Variants in SPAG17 observed in about 807,000 individuals in gnomAD.
The protein encoded by SPAG17 is sperm associated antigen 17, also known as sperm-associated antigen 17.
SPAG17 carries 169 observed loss-of-function variants against 273.6 expected under a neutral mutation model. That is an observed-to-expected ratio of 0.62 (90% CI 0.55 to 0.70). SPAG17 has a LOEUF of 0.70. Among genes scored for constraint, SPAG17 ranks in the 30% least tolerant of loss-of-function variants. The probability of loss-of-function intolerance (pLI) is 0.00; values close to 1 mark genes in which losing one functional copy is unlikely to be tolerated. For synonymous variants in SPAG17, 825 were observed against 873.2 expected (o/e 0.94, Z 0.97); for missense variants, 2,557 against 2,627.8 (o/e 0.97, Z 0.59).
chr1:118,152,644 AGTGT>A (rs923402658), intron 1 of SPAG17, among the ~76,000 whole-genome samples: 1 of 152,080 alleles, frequency 6.6e-6, no homozygotes, highest in African/African-American at 2.4e-5. Context: ...TTACTTGCAA[AGTGT>A]GTGTGTGCAT....
intron 31 of SPAG17, among the ~76,000 whole-genome samples, chr1:118,006,604 A>C (rs1426943592): frequency 6.6e-6 from 1 of 152,184 alleles, no homozygotes; most frequent in African/African-American, 2.4e-5. Flanking sequence ...ATATATACCT[A>C]GGAGTGGAAT....
At position 118,185,193 on chromosome 1, in the gene SPAG17, G is replaced by A; in HGVS notation, c.-36C>T. On this transcript the variant is annotated 5_prime_UTR_variant, in exon 1 of 49. Coordinates refer to ENST00000336338, the MANE Select transcript of SPAG17 (RefSeq NM_206996.4). ...GGAGAAGCATTGGCCTCTAAACTGG[G>A]CGCAGGCCCTGCCTAAGCGTCCCCG... 1.3e-6 allele frequency: 2 copies of A among 1,554,638 alleles called. No individual in the cohort carries two copies. The highest frequency in any genetic ancestry group is 1.8e-6 in the Non-Finnish European group (2 of 1,125,872).
chr1:118,128,010 T>C, intron 3 of SPAG17, among the ~76,000 whole-genome samples: 1 of 151,928 alleles, frequency 6.6e-6, no homozygotes. Flanking sequence ...TAGTCTAACC[T>C]ACTTGGGAGG....
chr1:118,027,074 A>G (rs556469054), intron 26 of SPAG17, among the ~76,000 whole-genome samples: 42 of 152,340 alleles, frequency 2.8e-4, no homozygotes, highest in Non-Finnish European at 4.7e-4. Context: ...TGATAACAGG[A>G]TCAAACAATC....
intron 4 of SPAG17, among the ~76,000 whole-genome samples, chr1:118,111,024 C>T (rs1483949034): frequency 1.3e-5 from 2 of 152,110 alleles, no homozygotes; most frequent in African/African-American, 2.4e-5. Flanking sequence ...CTCATAAAGT[C>T]ATTTAAAAGA....
intron 3 of SPAG17, among the ~76,000 whole-genome samples, chr1:118,119,461 C>A (rs1289807055): frequency 6.6e-6 from 1 of 152,154 alleles, no homozygotes; most frequent in Non-Finnish European, 1.5e-5. Flanking sequence ...ACTTTCCCTC[C>A]AGGAGCTCCA....
At chr1:118,171,479 C>A (rs932696620) in intron 1 of SPAG17, among the ~76,000 whole-genome samples, 2 of 152,114 alleles carry the variant, frequency 1.3e-5, no homozygotes, top group African/African-American at 4.8e-5. Flanking sequence ...TCTATCTGTT[C>A]TATTTAGATG....
At chr1:117,988,340 T>C (rs1419623840) in intron 38 of SPAG17, 136 bp from the exon 39 acceptor site, 1 of 518,894 alleles carries the variant, frequency 1.9e-6, no homozygotes, top group Non-Finnish European at 3.3e-6. Flanking sequence ...AGGACTTACA[T>C]GACCAAGCTG....
intron 48 of SPAG17, among the ~76,000 whole-genome samples, chr1:117,956,815 T>C (rs776908121): frequency 6.6e-5 from 10 of 152,164 alleles, no homozygotes; most frequent in Non-Finnish European, 1.2e-4. Context: ...TTTGGAGATA[T>C]TGTTTATCTG....
rs1658784938 is a variant in SPAG17 at position 118,005,480 on chromosome 1, C to A, written c.4710G>T (p.Arg1570Ser). The change falls in exon 32 of 49, where the codon AGG (arginine) becomes AGT (serine). Residue 1570 changes from arginine (R) to serine (S), a missense_variant. Physicochemically the swap from Arg to Ser is moderately radical, Grantham distance 110. Coordinates refer to ENST00000336338, the MANE Select transcript of SPAG17 (RefSeq NM_206996.4). ...CCTCTGAAGTATGCCTCATGATGTA[C>A]CTGCCAGCTCGCAGCTGCTCACGCT... ...FQKREQLRAGRYIMRHTSEVI... is the reference protein window; with the variant it reads ...FQKREQLRAGSYIMRHTSEVI... The A allele has an allele frequency of 6.2e-7, 1 of 1,613,722 alleles. No individual in the cohort carries two copies. Among genetic ancestry groups the A allele is most frequent in the Non-Finnish European group, 8.5e-7 (1 of 1,179,784 alleles).
Position 118,097,740 on chromosome 1 carries a change from T to C in SPAG17, c.941A>G (p.Asp314Gly), listed in dbSNP as rs1256061038. 4 of 1,611,076 alleles carry C rather than the reference T, an allele frequency of 2.5e-6. No individual in the cohort carries two copies. Among genetic ancestry groups the C allele is most frequent in the Non-Finnish European group, 3.4e-6 (4 of 1,178,908 alleles). ...GACCATGTACTCAAGTCGAGCAACA[T>C]CAAAGAGATTTGTTTCAGGTTTCTC... Reference protein sequence around the residue: ...NNEKPETNLFDVARLEYMVKA... With the variant: ...NNEKPETNLFGVARLEYMVKA... The change falls in exon 7 of 49, where the codon GAT (aspartate) becomes GGT (glycine). Residue 314 changes from aspartate (D) to glycine (G), a missense_variant. Asp to Gly is a moderately conservative substitution (Grantham distance 94). Coordinates refer to ENST00000336338, the MANE Select transcript of SPAG17 (RefSeq NM_206996.4).
chr1:117,989,622 C>T (rs1255630847), intron 38 of SPAG17, among the ~76,000 whole-genome samples: 2 of 152,124 alleles, frequency 1.3e-5, no homozygotes, highest in Non-Finnish European at 2.9e-5. Flanking sequence ...GTTGCACAGG[C>T]TGGAGTACAG....
intron 42 of SPAG17, among the ~76,000 whole-genome samples, chr1:117,982,262 G>A (rs865931815): frequency 1.0e-4 from 13 of 125,160 alleles, no homozygotes; most frequent in African/African-American, 3.6e-4. Flanking sequence ...TTTTTTTTGA[G>A]ACGGAGTCTT....
At chr1:118,122,411 G>A (rs956963322) in intron 3 of SPAG17, among the ~76,000 whole-genome samples, 1 of 152,170 alleles carries the variant, frequency 6.6e-6, no homozygotes, top group East Asian at 1.9e-4. Context: ...CAAAAGTACA[G>A]GCTCTATTTG....
At chr1:117,990,406 C>T (rs1453333976) in intron 38 of SPAG17, among the ~76,000 whole-genome samples, 1 of 152,126 alleles carries the variant, frequency 6.6e-6, no homozygotes, top group African/African-American at 2.4e-5. Flanking sequence ...ATATATACCT[C>T]CAAATGAATA....
Position 118,181,463 on chromosome 1 carries a change from T to C in SPAG17, c.87+3608A>G, listed in dbSNP as rs544416725. 2.9e-4 allele frequency among the ~76,000 whole-genome samples: 44 copies of C among 152,132 alleles called. 1 individual carries two copies. The highest frequency in any genetic ancestry group is 1.5e-3 in the Admixed American group (23 of 15,256). On this transcript the variant is annotated intron_variant, in intron 1 of 48. Coordinates refer to ENST00000336338, the MANE Select transcript of SPAG17 (RefSeq NM_206996.4). ...GTGAGGAACAGACAAAGATATTCCATGCAAATATTAATAGTAACCAAGAGA... is the reference window on the plus strand; with the variant it reads ...GTGAGGAACAGACAAAGATATTCCACGCAAATATTAATAGTAACCAAGAGA...
At chr1:118,075,368 T>G (rs151105220) in intron 15 of SPAG17, among the ~76,000 whole-genome samples, 5 of 152,178 alleles carry the variant, frequency 3.3e-5, no homozygotes, top group Non-Finnish European at 7.3e-5. Context: ...CAAACAGCCA[T>G]GTGAATGAAC....
intron 19 of SPAG17, among the ~76,000 whole-genome samples, chr1:118,054,903 G>A (rs747155821): frequency 2.6e-5 from 4 of 151,880 alleles, no homozygotes; most frequent in Non-Finnish European, 5.9e-5. Context: ...AATTGATAGA[G>A]GTTGCCAAAA....
At chr1:118,147,471 T>C (rs1262845737) in intron 3 of SPAG17, among the ~76,000 whole-genome samples, 1 of 151,670 alleles carries the variant, frequency 6.6e-6, no homozygotes, top group Non-Finnish European at 1.5e-5. Flanking sequence ...TATACACAAA[T>C]AATAATATTC....
Sources: allele counts gnomAD v4.1 joint callset (sites outside exome capture counted in the v4.1 genomes callset), GRCh38; gene constraint gnomAD v4.1.1; transcripts MANE v1.5; gene names NCBI Gene and HGNC (gene_info 2026-07-23, HGNC 2026-07-21).